POU2F1: variants seen among roughly 807,000 people sequenced by gnomAD.
POU2F1 encodes POU class 2 homeobox 1, also known as POU domain, class 2, transcription factor 1.
A neutral mutation model predicts 84.9 loss-of-function variants in POU2F1; 16 were observed. The observed-to-expected ratio is 0.19, with a 90% CI of 0.13 to 0.29. The LOEUF (loss-of-function observed/expected upper bound fraction) is 0.29, where lower values mean the gene tolerates loss of function less well. Among genes scored for constraint, POU2F1 ranks in the 10% least tolerant of loss-of-function variants. POU2F1 has a pLI of 1.00. For synonymous variants in POU2F1, 368 were observed against 368.3 expected (o/e 1.00, Z 0.01); for missense variants, 738 against 942.6 (o/e 0.78, Z 2.84).
chr1:167,373,619 A>G (rs187862796), intron 5 of POU2F1, among the ~76,000 whole-genome samples: 6 of 152,304 alleles, frequency 3.9e-5, no homozygotes, highest in African/African-American at 1.4e-4. Flanking sequence ...AAAGAAACAA[A>G]TGGAGCTCAT....
At chr1:167,403,972 C>T (rs377453236) in intron 13 of POU2F1, among the ~76,000 whole-genome samples, 258 of 152,168 alleles carry the variant, frequency 1.7e-3, no homozygotes, top group African/African-American at 6.0e-3. Context: ...GTTTTAGCAT[C>T]TAGTGTTGCT....
chr1:167,350,587 T>C (rs984767041), intron 2 of POU2F1, among the ~76,000 whole-genome samples: 7 of 151,732 alleles, frequency 4.6e-5, no homozygotes, highest in East Asian at 1.9e-4. Context: ...GGCAGGAGAA[T>C]TGCTTGAACC....
At chr1:167,315,219 T>C (rs915607178) in intron 1 of POU2F1, among the ~76,000 whole-genome samples, 12 of 152,182 alleles carry the variant, frequency 7.9e-5, no homozygotes, top group African/African-American at 2.9e-4. Flanking sequence ...TACATACATA[T>C]GCCCTATGAG....
chr1:167,252,876 C>T (rs1242210063), intron 1 of POU2F1, among the ~76,000 whole-genome samples: 2 of 152,058 alleles, frequency 1.3e-5, no homozygotes, highest in African/African-American at 4.8e-5. Flanking sequence ...AACATGTATC[C>T]CTCTAAGGTA....
chr1:167,306,195 T>C (rs545723266), intron 1 of POU2F1, among the ~76,000 whole-genome samples: 1 of 152,316 alleles, frequency 6.6e-6, no homozygotes, highest in South Asian at 2.1e-4. Context: ...CTTTTTTAAG[T>C]TTTCAGAAGA....
At position 167,282,706 on chromosome 1, in the gene POU2F1, A is replaced by G. The variant is rs192262303; in HGVS notation, c.62-49764A>G. Among the ~76,000 whole-genome samples the G allele has an allele frequency of 2.9e-3, 447 of 152,020 alleles. 2 individuals carry two copies. The highest frequency in any genetic ancestry group is 0.01 in the African/African-American group (433 of 41,440). On this transcript the variant is annotated intron_variant, in intron 1 of 15. Coordinates refer to ENST00000367866, the MANE Select transcript of POU2F1 (RefSeq NM_002697.4). ...TTTTCTGTACTTTTCCACCCTCATAATACTGCTTTCCCTTGTTTCTACTTC... is the reference window on the plus strand; with the variant it reads ...TTTTCTGTACTTTTCCACCCTCATAGTACTGCTTTCCCTTGTTTCTACTTC...
At chr1:167,358,784 C>A (rs1454241475) in intron 2 of POU2F1, among the ~76,000 whole-genome samples, 3 of 119,858 alleles carry the variant, frequency 2.5e-5, no homozygotes, top group Non-Finnish European at 3.2e-5. Context: ...GAACTCCTGG[C>A]CTCAAGTAAT....
intron 1 of POU2F1, among the ~76,000 whole-genome samples, chr1:167,305,446 C>G (rs113130478): frequency 3.3e-5 from 5 of 152,290 alleles, no homozygotes; most frequent in African/African-American, 1.2e-4. Flanking sequence ...GCAATCTGCC[C>G]GCCTTGGCCT....
At chr1:167,387,753 G>A (rs1250609623) in intron 8 of POU2F1, among the ~76,000 whole-genome samples, 1 of 152,208 alleles carries the variant, frequency 6.6e-6, no homozygotes, top group African/African-American at 2.4e-5. Flanking sequence ...CCTCCCACTA[G>A]TGAGGTGTGT....
chr1:167,297,256 AATTTAACGT>A (rs1430900214), intron 1 of POU2F1, among the ~76,000 whole-genome samples: 1 of 152,344 alleles, frequency 6.6e-6, no homozygotes, highest in East Asian at 1.9e-4. Flanking sequence ...AACTCTTAAT[AATTTAACGT>A]ATTTGTTATT....
At position 167,413,127 on chromosome 1, in the gene POU2F1, CT is replaced by C. The variant is rs1290610902; in HGVS notation, c.1990+18del. 1 of 1,595,190 alleles carries C rather than the reference CT, an allele frequency of 6.3e-7. No individual in the cohort carries two copies. Among genetic ancestry groups the C allele is most frequent in the Non-Finnish European group, 8.6e-7 (1 of 1,164,558 alleles). ...GCAACTATTCAAGGTCAGTAGAAGC[CT>C]TTTTCTTAATTTGGTGGCATGCACG... is the stretch of plus-strand genomic sequence containing the variant. On this transcript the variant is annotated intron_variant, in intron 15 of 15. Coordinates refer to ENST00000367866, the MANE Select transcript of POU2F1 (RefSeq NM_002697.4).
intron 7 of POU2F1, among the ~76,000 whole-genome samples, chr1:167,378,312 C>T (rs1025215384): frequency 5.3e-5 from 8 of 150,444 alleles, no homozygotes; most frequent in African/African-American, 1.5e-4. Context: ...CTCGGCCCAC[C>T]GCAACCTCCG....
intron 9 of POU2F1, among the ~76,000 whole-genome samples, chr1:167,390,660 G>T (rs745437868): frequency 1.1e-4 from 17 of 151,538 alleles, no homozygotes; most frequent in Non-Finnish European, 2.1e-4. Flanking sequence ...GTGTGGTGAC[G>T]CATGCCTGTA....
In POU2F1 at chr1:167,392,726, G is replaced by T. The variant is rs72693654; in HGVS notation, c.987+2965G>T. 4.6e-5 allele frequency among the ~76,000 whole-genome samples: 7 copies of T among 152,076 alleles called. No individual in the cohort carries two copies. In the East Asian group the frequency reaches 5.8e-4, roughly 13 times the overall value. Reference sequence around the variant, plus strand: ...TTGGCATGACCATTCCTTATTTTTCGAAATGACTTTGAGACAGCAGTGGCA... The same window carrying T: ...TTGGCATGACCATTCCTTATTTTTCTAAATGACTTTGAGACAGCAGTGGCA... On this transcript the variant is annotated intron_variant, in intron 9 of 15. Coordinates refer to ENST00000367866, the MANE Select transcript of POU2F1 (RefSeq NM_002697.4).
At chr1:167,253,892 A>G (rs1194360722) in intron 1 of POU2F1, among the ~76,000 whole-genome samples, 1 of 152,068 alleles carries the variant, frequency 6.6e-6, no homozygotes, top group Non-Finnish European at 1.5e-5. Context: ...ATTTTTTTCT[A>G]TTTGCTCCTT....
chr1:167,258,224 T>C (rs1481703229), intron 1 of POU2F1, among the ~76,000 whole-genome samples: 1 of 152,190 alleles, frequency 6.6e-6, no homozygotes, highest in African/African-American at 2.4e-5. Context: ...CAGAAGTGAC[T>C]GCGGGTAACA....
intron 2 of POU2F1, among the ~76,000 whole-genome samples, chr1:167,364,327 G>A (rs1423474153): frequency 2.0e-5 from 3 of 151,338 alleles, no homozygotes; most frequent in Admixed American, 2.0e-4. Flanking sequence ...TCAGGAGATC[G>A]AGACCATCCC....
intron 15 of POU2F1, among the ~76,000 whole-genome samples, chr1:167,415,072 C>A (rs377650711): frequency 3.9e-5 from 6 of 152,238 alleles, no homozygotes; most frequent in African/African-American, 1.4e-4. Context: ...GCCCACCACT[C>A]ACCTCCTGTT....
At chr1:167,340,920 G>A (rs991006942) in intron 2 of POU2F1, among the ~76,000 whole-genome samples, 3 of 152,202 alleles carry the variant, frequency 2.0e-5, no homozygotes, top group Non-Finnish European at 4.4e-5. Context: ...TAGGGGAAAA[G>A]TGTTTCTAGC....
Sources: allele counts gnomAD v4.1 joint callset (sites outside exome capture counted in the v4.1 genomes callset), GRCh38; gene constraint gnomAD v4.1.1; transcripts MANE v1.5; gene names NCBI Gene and HGNC (gene_info 2026-07-23, HGNC 2026-07-21).